PKN2: variants seen among roughly 807,000 people sequenced by gnomAD.
PKN2 encodes serine/threonine-protein kinase N2.
In PKN2, 38 loss-of-function variants were observed where a neutral mutation model predicts 119.1. The observed-to-expected ratio is 0.32, with a 90% CI of 0.25 to 0.42. The LOEUF is 0.42. Ranked by LOEUF, PKN2 falls within the 10% of genes least tolerant of loss-of-function variation. PKN2 has a pLI of 1.00. For synonymous variants in PKN2, 390 were observed against 384.9 expected (o/e 1.01, Z -0.15); for missense variants, 850 against 1,165.1 (o/e 0.73, Z 3.94).
Position 88,821,968 on chromosome 1 carries a change from G to T in PKN2, c.2307G>T (p.Gly769=). 1 of 1,574,522 alleles carries T rather than the reference G, an allele frequency of 6.4e-7. No individual in the cohort carries two copies. The change falls in exon 17 of 22, where the codon GGG becomes GGT. Residue 769 remains glycine (G), a synonymous_variant. Transcript: ENST00000370521. ...TTTATGCTGCTTGTGTAGTTCTTGG[G>T]TTGCAGTATTTACATGAACACAAAA... ...AVFYAACVVL[G]LQYLHEHKIV...
intron 6 of PKN2, among the ~76,000 whole-genome samples, chr1:88,772,910 CTA>C (rs1296737860): frequency 1.3e-5 from 2 of 151,992 alleles, no homozygotes; most frequent in African/African-American, 4.8e-5. Context: ...ATATATCTAA[CTA>C]TGTCTGTAGA....
chr1:88,814,368 A>G (rs900230250), intron 16 of PKN2, among the ~76,000 whole-genome samples: 5 of 152,124 alleles, frequency 3.3e-5, no homozygotes, highest in Non-Finnish European at 7.4e-5. Context: ...ATGTGTGTAT[A>G]TTTTCCCTGT....
At chr1:88,716,448 A>G (rs1381183281) in intron 1 of PKN2, among the ~76,000 whole-genome samples, 1 of 152,136 alleles carries the variant, frequency 6.6e-6, no homozygotes, top group Non-Finnish European at 1.5e-5. Context: ...GTAGGTCTCT[A>G]AGGACTTGCT....
chr1:88,716,274 T>C (rs979554095), intron 1 of PKN2, among the ~76,000 whole-genome samples: 1 of 152,178 alleles, frequency 6.6e-6, no homozygotes, highest in Non-Finnish European at 1.5e-5. Flanking sequence ...ATTCTGTTGA[T>C]TTGGGGTGGA....
At chr1:88,694,269 C>T (rs1395131665) in intron 1 of PKN2, among the ~76,000 whole-genome samples, 1 of 152,150 alleles carries the variant, frequency 6.6e-6, no homozygotes, top group African/African-American at 2.4e-5. Flanking sequence ...CTGTGTTCTA[C>T]CTATTCATCC....
chr1:88,801,292 G>A (rs1671298195), intron 8 of PKN2, among the ~76,000 whole-genome samples: 1 of 152,152 alleles, frequency 6.6e-6, no homozygotes, highest in African/African-American at 2.4e-5. Context: ...GGCTGAGGCA[G>A]GAGAATCACT....
At chr1:88,750,574 CAGCT>C (rs1325039769) in intron 2 of PKN2, among the ~76,000 whole-genome samples, 2 of 152,106 alleles carry the variant, frequency 1.3e-5, no homozygotes, top group African/African-American at 2.4e-5. Context: ...GTTGTATCTC[CAGCT>C]AGGCTGTGTT....
intron 1 of PKN2, among the ~76,000 whole-genome samples, chr1:88,715,620 T>C (rs903519151): frequency 2.0e-5 from 3 of 152,220 alleles, no homozygotes; most frequent in African/African-American, 4.8e-5. Flanking sequence ...GATACCTGTA[T>C]TTCTGTGGAA....
At chr1:88,779,052 C>T (rs1251798520) in intron 6 of PKN2, among the ~76,000 whole-genome samples, 1 of 152,154 alleles carries the variant, frequency 6.6e-6, no homozygotes, top group Non-Finnish European at 1.5e-5. Context: ...GAAATAATGG[C>T]AAGCTGTTGG....
At chr1:88,689,647 C>CTAAAAATACAAAA (rs375862192) in intron 1 of PKN2, among the ~76,000 whole-genome samples, 30 of 152,040 alleles carry the variant, frequency 2.0e-4, no homozygotes, top group African/African-American at 6.8e-4. Context: ...CCTGTCTCTA[C>CTAAAAATACAAAA]TAAAAATACA....
chr1:88,698,912 G>A (rs970093289), intron 1 of PKN2, among the ~76,000 whole-genome samples: 3 of 151,854 alleles, frequency 2.0e-5, no homozygotes, highest in Non-Finnish European at 4.4e-5. Context: ...TTTCCTTTAC[G>A]ACTATGTTTT....
intron 8 of PKN2, among the ~76,000 whole-genome samples, chr1:88,801,232 A>G (rs977908761): frequency 5.3e-5 from 8 of 152,238 alleles, no homozygotes; most frequent in Admixed American, 2.6e-4. Flanking sequence ...TAAAAATACA[A>G]AAATTAGCCA....
intron 1 of PKN2, among the ~76,000 whole-genome samples, chr1:88,707,235 CT>C (rs554765452): frequency 6.6e-6 from 1 of 151,974 alleles, no homozygotes; most frequent in African/African-American, 2.4e-5. Context: ...GTAAGCCCTA[CT>C]TTTTTTGACA....
chr1:88,777,480 C>T (rs975800703), intron 6 of PKN2, among the ~76,000 whole-genome samples: 1 of 152,148 alleles, frequency 6.6e-6, no homozygotes, highest in Non-Finnish European at 1.5e-5. Flanking sequence ...ACTTCATTTC[C>T]TTAGTATACT....
At chr1:88,778,154 T>C (rs1670182206) in intron 6 of PKN2, among the ~76,000 whole-genome samples, 1 of 152,202 alleles carries the variant, frequency 6.6e-6, no homozygotes, top group Non-Finnish European at 1.5e-5. Context: ...CTCCCTAAAA[T>C]GTACAAAACC....
chr1:88,750,717 C>T (rs1330638258), intron 2 of PKN2, among the ~76,000 whole-genome samples: 2 of 152,100 alleles, frequency 1.3e-5, no homozygotes, highest in South Asian at 2.1e-4. Flanking sequence ...AAATTTTTCT[C>T]TGTGTTTTCT....
chr1:88,746,508 T>A (rs1193927230), intron 2 of PKN2, among the ~76,000 whole-genome samples: 2 of 145,442 alleles, frequency 1.4e-5, no homozygotes, highest in East Asian at 2.0e-4. Flanking sequence ...ATGAAAAAAA[T>A]GATCAGTATC....
intron 1 of PKN2, among the ~76,000 whole-genome samples, chr1:88,713,702 C>CA (rs1667332683): frequency 6.6e-6 from 1 of 152,122 alleles, no homozygotes; most frequent in Admixed American, 6.5e-5. Flanking sequence ...GAATAGATTG[C>CA]AAAAATTTTC....
intron 1 of PKN2, 63 bp downstream of exon 1, chr1:88,684,691 C>T (rs1274543681): frequency 3.6e-6 from 5 of 1,379,364 alleles, no homozygotes; most frequent in Non-Finnish European, 4.8e-6. Flanking sequence ...CCCCGCGCGG[C>T]GTCGGGGACC....
Sources: gnomAD v4.1 joint callset for allele counts (sites outside exome capture counted in the v4.1 genomes callset) on GRCh38, gnomAD v4.1.1 for gene constraint, MANE v1.5 for transcripts, NCBI Gene and HGNC (gene_info 2026-07-23, HGNC 2026-07-21) for gene names.